Variants in ZNF562 observed in about 807,000 individuals in gnomAD.
The protein encoded by ZNF562 is zinc finger protein 562.
Under a neutral mutation model 17.5 loss-of-function variants are expected in ZNF562, and 13 were observed. That is an observed-to-expected ratio of 0.74 (90% confidence interval 0.48 to 1.18). ZNF562 has a LOEUF of 1.18. Ranked by LOEUF, ZNF562 falls within the 50% of genes most tolerant of loss-of-function variation. ZNF562 has a pLI of 0.00. For missense variants in ZNF562, 481 were observed against 498.5 expected, an observed-to-expected ratio of 0.96 and a Z score of 0.33; for synonymous variants, 163 against 165.4, an observed-to-expected ratio of 0.99 and a Z score of 0.11.
At chr19:9,657,825 G>A (rs2043570137) in intron 4 of ZNF562, among the ~76,000 whole-genome samples, 184 bp downstream of exon 4, 1 of 151,980 alleles carries the variant, frequency 6.6e-6, no homozygotes. Context: ...GGGATTACAG[G>A]CGTGAACCTC....
chr19:9,653,473 C>G lies in ZNF562; in HGVS notation c.757G>C (p.Val253Leu). The G allele has an allele frequency of 6.2e-7, 1 of 1,614,198 alleles. No homozygotes were observed. Among genetic ancestry groups the G allele is most frequent in the Non-Finnish European group, 8.5e-7 (1 of 1,180,036 alleles). ...TTTTCGGATTTCTTTCCAGTATGAACTGCTACACACTGCTTTAAGTGTGAG... is the reference window on the plus strand; with the variant it reads ...TTTTCGGATTTCTTTCCAGTATGAAGTGCTACACACTGCTTTAAGTGTGAG... ...TSSHLKQCVA[V>L]HTGKKSEKTK... is the part of the protein sequence containing the mutation. Residue 253 changes from valine to leucine, a missense_variant, in exon 6 of 6, where the codon GTT becomes CTT. Transcript: ENST00000453372.
At chr19:9,670,675 G>A (rs1222415628) in intron 1 of ZNF562, among the ~76,000 whole-genome samples, 5 of 152,094 alleles carry the variant, frequency 3.3e-5, no homozygotes, top group Admixed American at 3.3e-4. Context: ...CAGAAGGGTA[G>A]GAAGGAGACG....
At chr19:9,657,650 G>A (rs981861482) in intron 4 of ZNF562, among the ~76,000 whole-genome samples, 19 of 151,026 alleles carry the variant, frequency 1.3e-4, no homozygotes, top group Non-Finnish European at 2.2e-4. Flanking sequence ...GGGTTCAAGC[G>A]ATTCTACTGC....
Position 9,671,575 on chromosome 19 carries a change from C to T in ZNF562, c.-131+3440G>A, listed in dbSNP as rs143779113. 7.4e-4 allele frequency among the ~76,000 whole-genome samples: 113 copies of T among 152,328 alleles called. No homozygotes were observed. The Middle Eastern group carries it at 0.01, about 14-fold the overall frequency. ...ACACATACATTTGCATGTACTTTAA[C>T]GCCCCACACAGTTACCTGTAAGGAT... is the stretch of plus-strand genomic sequence containing the variant. On this transcript the variant is annotated intron_variant, in intron 1 of 5. Transcript: ENST00000453372.
chr19:9,668,260 A>G (rs1394449688), intron 1 of ZNF562, among the ~76,000 whole-genome samples: 2 of 152,076 alleles, frequency 1.3e-5, no homozygotes, highest in African/African-American at 4.8e-5. Context: ...CTGTAGTCCC[A>G]GCTACTCAAA....
In ZNF562 at chr19:9,643,722, G is replaced by C. The variant is rs915521866; in HGVS notation, c.*9227C>G. Reference sequence around the variant, plus strand: ...TTGCTATGCTGTCCAGGCAGGTCTCGAACTCCTGAGCTCAAGTAATCCTTT... The same window carrying C: ...TTGCTATGCTGTCCAGGCAGGTCTCCAACTCCTGAGCTCAAGTAATCCTTT... On this transcript the variant is annotated 3_prime_UTR_variant, in exon 6 of 6. Transcript: ENST00000453372. The C allele has an allele frequency of 6.6e-6, 1 of 151,782 alleles. No individual in the cohort carries two copies. The highest frequency in any genetic ancestry group is 1.5e-5 in the Non-Finnish European group (1 of 67,976). The allele number at this position is 151,782 out of a possible 1,614,324, so 9.4% of individuals were successfully genotyped here.
At chr19:9,664,420 A>G (rs1224176907) in intron 1 of ZNF562, among the ~76,000 whole-genome samples, 1 of 152,156 alleles carries the variant, frequency 6.6e-6, no homozygotes, top group East Asian at 1.9e-4. Flanking sequence ...TGGATTTGTT[A>G]TCAGTACTTA....
At chr19:9,667,939 T>C (rs1209684265) in intron 1 of ZNF562, among the ~76,000 whole-genome samples, 2 of 152,198 alleles carry the variant, frequency 1.3e-5, no homozygotes, top group Non-Finnish European at 2.9e-5. Context: ...ACCAAAAACC[T>C]GTTAGAACTG....
chr19:9,651,054 A>G lies in ZNF562; in HGVS notation c.*1895T>C, dbSNP rs1348510431. On this transcript the variant is annotated 3_prime_UTR_variant, in exon 6 of 6. Transcript: ENST00000453372. The stretch of plus-strand genomic sequence containing the variant: ...GCCATTTGGTCTGCGGTATTCTCTT[A>G]TGGTTGTCTGAGCTGACTAAGGCAG... 6.7e-6 allele frequency: 1 copy of G among 150,294 alleles called. No individual in the cohort carries two copies. The highest frequency in any genetic ancestry group is 6.7e-5 in the Admixed American group (1 of 14,966). The allele number at this position is 150,294 out of a possible 1,614,324, so 9.3% of individuals were successfully genotyped here.
In ZNF562 at chr19:9,641,854, C is replaced by T. The variant is rs1264469909; in HGVS notation, c.*11095G>A. The stretch of plus-strand genomic sequence containing the variant: ...TTACATCCGGATGTGGATGGGCTGT[C>T]CAACAAAACAGTCAGCAAAGGGTGG... On this transcript the variant is annotated 3_prime_UTR_variant, in exon 6 of 6. Coordinates refer to ENST00000453372, the MANE Select transcript of ZNF562 (RefSeq NM_001130031.2). 6.6e-6 allele frequency: 1 copy of T among 152,106 alleles called. No homozygotes were observed. The highest frequency in any genetic ancestry group is 1.5e-5 in the Non-Finnish European group (1 of 68,028). The allele number at this position is 152,106 out of a possible 1,614,324, so 9.4% of individuals were successfully genotyped here.
rs1296184199 is a variant in ZNF562, at chr19:9,669,727, C to CGT, written c.-131+5287_-131+5288insAC. On this transcript the variant is annotated intron_variant, in intron 1 of 5. Transcript: ENST00000453372. ...GCATGCACGCGCGCGAGCGCGCGCG[C>CGT]GCGCGCGCACACACACACACACACA... Among the ~76,000 whole-genome samples the CGT allele has an allele frequency of 1.9e-4, 18 of 92,394 alleles. 1 individual carries two copies. The highest frequency in any genetic ancestry group is 9.3e-3 in the Middle Eastern group (2 of 214). The allele number at this position is 92,394 out of a possible 152,430, so 60.6% of individuals were successfully genotyped here.
In ZNF562 at chr19:9,652,913, G is replaced by A; in HGVS notation, c.*36C>T. 1 of 1,468,072 alleles carries A rather than the reference G, an allele frequency of 6.8e-7. No individual in the cohort carries two copies. The highest frequency in any genetic ancestry group is 2.3e-5 in the East Asian group (1 of 43,022). 90.9% of individuals were successfully genotyped at this position (1,468,072 alleles called of 1,614,324 possible). A position where few individuals can be genotyped will look rare whatever the true frequency, so the allele number is the denominator to read the frequency against. The stretch of plus-strand genomic sequence containing the variant: ...TCTGGTAGGAGTTCACAGGTGGGGT[G>A]AGGAATACAGAAATTCTTTCCCACA... On this transcript the variant is annotated 3_prime_UTR_variant, in exon 6 of 6. Coordinates refer to ENST00000453372, the MANE Select transcript of ZNF562 (RefSeq NM_001130031.2).
intron 1 of ZNF562, among the ~76,000 whole-genome samples, chr19:9,671,634 G>C (rs1364735259): frequency 6.6e-6 from 1 of 152,154 alleles, no homozygotes; most frequent in East Asian, 1.9e-4. Flanking sequence ...GCAATTTCAG[G>C]CTGCAATGCA....
intron 3 of ZNF562, among the ~76,000 whole-genome samples, chr19:9,658,718 T>A (rs2043614294): frequency 1.3e-5 from 2 of 152,134 alleles, no homozygotes; most frequent in Non-Finnish European, 2.9e-5. Context: ...TTTTTTAATT[T>A]TTTTTAATTT....
Position 9,659,506 on chromosome 19 carries a change from C to T in ZNF562, c.26-39G>A, listed in dbSNP as rs1193631982. 2.0e-5 allele frequency: 31 copies of T among 1,543,260 alleles called. No individual in the cohort carries two copies. In the East Asian group the frequency reaches 5.1e-4, roughly 26 times the overall value. ...AAGAAGGCATGAGAAGCCAGAGCTG[C>T]CCACATTCTTATGCCCAGAAGTCAT... On this transcript the variant is annotated intron_variant, in intron 2 of 5. Transcript: ENST00000453372.
chr19:9,661,293 G>T (rs888175980), intron 1 of ZNF562, among the ~76,000 whole-genome samples: 9 of 152,042 alleles, frequency 5.9e-5, no homozygotes, highest in Non-Finnish European at 2.9e-5. Context: ...GGGACCACAG[G>T]TGTGCATCGT....
intron 2 of ZNF562, 113 bp from the exon 3 acceptor site, chr19:9,659,580 T>TAC (rs2043645178): frequency 1.5e-6 from 2 of 1,293,160 alleles, no homozygotes; most frequent in East Asian, 5.1e-5. Flanking sequence ...TCGAAAAAAC[T>TAC]ACACACACAC....
intron 1 of ZNF562, among the ~76,000 whole-genome samples, chr19:9,666,949 C>T (rs60008259): frequency 0.014 from 2,171 of 152,224 alleles, 53 homozygotes; most frequent in African/African-American, 0.049. Flanking sequence ...ACTTAAAGAA[C>T]TAATACCAAT....
chr19:9,648,771 T>C lies in ZNF562; in HGVS notation c.*4178A>G, dbSNP rs2074829413. ...TCCCAAGTAGCTAAAACTATAGGCA[T>C]GCATCACCACATCATTTCATTGAAG... is the stretch of plus-strand genomic sequence containing the variant. On this transcript the variant is annotated 3_prime_UTR_variant, in exon 6 of 6. Transcript: ENST00000453372. 1 of 151,954 alleles carries C rather than the reference T, an allele frequency of 6.6e-6. No homozygotes were observed. The highest frequency in any genetic ancestry group is 2.4e-5 in the African/African-American group (1 of 41,376). The allele number at this position is 151,954 out of a possible 1,614,324, so 9.4% of individuals were successfully genotyped here.
Sources: gnomAD v4.1 joint callset for allele counts (sites outside exome capture counted in the v4.1 genomes callset) on GRCh38, gnomAD v4.1.1 for gene constraint, MANE v1.5 for transcripts, NCBI Gene and HGNC (gene_info 2026-07-23, HGNC 2026-07-21) for gene names.